Variants in GLIS3 observed in about 807,000 individuals in gnomAD.
GLIS3 encodes the protein zinc finger protein GLIS3.
GLIS3 carries 53 observed loss-of-function variants against 78.6 expected under a neutral mutation model. That is an observed-to-expected ratio of 0.67 (90% CI 0.54 to 0.85). The LOEUF is 0.85. GLIS3 is among the 40% of genes least tolerant of loss of function. The pLI is 0.00. For missense variants in GLIS3, 1,703 were observed against 1,231.1 expected (o/e 1.38, Z -5.74); for synonymous variants, 684 against 509.9 (o/e 1.34, Z -4.60).
chr9:4,415,048 G>C, the GLIS3 span, among the ~76,000 whole-genome samples: 3 of 152,068 alleles, frequency 2.0e-5, no homozygotes, highest in Non-Finnish European at 2.9e-5. Flanking sequence ...TGTTTGAACT[G>C]CTTCAACTAC....
chr9:4,086,067 G>C (rs1269872127), intron 4 of GLIS3, among the ~76,000 whole-genome samples: 1 of 152,160 alleles, frequency 6.6e-6, no homozygotes, highest in Non-Finnish European at 1.5e-5. Context: ...CCTTACACGA[G>C]TTGTCCAAAC....
chr9:3,951,872 ACACACACACACACG>A (rs1306112094), intron 4 of GLIS3, among the ~76,000 whole-genome samples: 19 of 150,040 alleles, frequency 1.3e-4, no homozygotes, highest in African/African-American at 4.5e-4. Flanking sequence ...ACACACACAC[ACACACACACACACG>A]CACGCACACA....
chr9:3,950,211 C>A (rs1588295316), intron 4 of GLIS3, among the ~76,000 whole-genome samples: 1 of 152,320 alleles, frequency 6.6e-6, no homozygotes, highest in Non-Finnish European at 1.5e-5. Context: ...GCCACTATGG[C>A]CTCCCACCTG....
At chr9:4,462,646 C>G in the GLIS3 span, among the ~76,000 whole-genome samples, 23 of 148,260 alleles carry the variant, frequency 1.6e-4, no homozygotes, top group South Asian at 4.2e-4. Context: ...CACGCACACA[C>G]ACACACACAC....
intron 4 of GLIS3, among the ~76,000 whole-genome samples, chr9:4,004,738 T>C (rs1447733987): frequency 6.6e-6 from 1 of 152,198 alleles, no homozygotes; most frequent in African/African-American, 2.4e-5. Flanking sequence ...GACTAACATT[T>C]ACTGAGAAGA....
the GLIS3 span, among the ~76,000 whole-genome samples, chr9:4,381,286 G>A: frequency 2.6e-5 from 4 of 152,140 alleles, no homozygotes; most frequent in Non-Finnish European, 5.9e-5. Flanking sequence ...AAAGTACTTT[G>A]AAAAGTATAA....
chr9:4,484,568 C>A, the GLIS3 span, among the ~76,000 whole-genome samples: 3 of 151,394 alleles, frequency 2.0e-5, no homozygotes, highest in Non-Finnish European at 4.4e-5. Context: ...ACAGGCCCTG[C>A]CACCACACCT....
chr9:3,933,247 C>T (rs1156843606), intron 5 of GLIS3, among the ~76,000 whole-genome samples: 1 of 152,030 alleles, frequency 6.6e-6, no homozygotes, highest in Non-Finnish European at 1.5e-5. Flanking sequence ...GCAATCTCGG[C>T]TCACTGCAAC....
chr9:4,161,631 A>T (rs1835485757), intron 2 of GLIS3, among the ~76,000 whole-genome samples: 1 of 151,814 alleles, frequency 6.6e-6, no homozygotes, highest in Non-Finnish European at 1.5e-5. Context: ...GAATGGCTTG[A>T]AACAACAGGA....
chr9:4,147,815 C>A (rs1309257862), intron 2 of GLIS3, among the ~76,000 whole-genome samples: 3 of 140,434 alleles, frequency 2.1e-5, no homozygotes, highest in African/African-American at 5.2e-5. Context: ...GAGTTCATAC[C>A]AAAAAAAAAA....
rs1381295924 is a variant in GLIS3 at position 4,012,046 on chromosome 9, A to T, written c.1711-74857T>A. On this transcript the variant is annotated intron_variant, in intron 4 of 10. Coordinates refer to ENST00000381971, the MANE Select transcript of GLIS3 (RefSeq NM_001042413.2). ...CAGAAAGCCTTCCCGTAAAACAAAC[A>T]TCATGGGAAGAAAGAAAAAAATGTA... Among the ~76,000 whole-genome samples, 5 of 152,212 alleles carry T rather than the reference A, an allele frequency of 3.3e-5. No homozygotes were observed. The East Asian group carries it at 9.6e-4, about 29-fold the overall frequency.
chr9:4,301,562 A>G (rs151257057), upstream of GLIS3, among the ~76,000 whole-genome samples: 70 of 152,322 alleles, frequency 4.6e-4, 1 homozygote, highest in African/African-American at 1.5e-3. Flanking sequence ...TAACCCTTCA[A>G]TGCATCATGG....
intron 4 of GLIS3, among the ~76,000 whole-genome samples, chr9:3,987,966 T>C (rs954240575): frequency 5.9e-5 from 9 of 151,980 alleles, no homozygotes; most frequent in African/African-American, 2.2e-4. Flanking sequence ...CAGCACATTT[T>C]CCCTCCAGCT....
At chr9:4,486,744 C>T in the GLIS3 span, among the ~76,000 whole-genome samples, 2 of 152,194 alleles carry the variant, frequency 1.3e-5, no homozygotes, top group Admixed American at 6.5e-5. Context: ...GGCTGGAGTG[C>T]AGTGGTGCAA....
At chr9:3,869,266 G>GGTGTGTGTGTGTGT (rs58818313) in intron 8 of GLIS3, among the ~76,000 whole-genome samples, 1 of 151,146 alleles carries the variant, frequency 6.6e-6, no homozygotes, top group African/African-American at 2.4e-5. Flanking sequence ...AATTATCTAG[G>GGTGTGTGTGTGTGT]GTGTGTGTGT....
intron 4 of GLIS3, among the ~76,000 whole-genome samples, chr9:4,029,508 G>T (rs1453777872): frequency 6.6e-6 from 1 of 151,994 alleles, no homozygotes; most frequent in Non-Finnish European, 1.5e-5. Context: ...ATTGACTATG[G>T]TGACACCGTG....
chr9:4,352,926 G>T (rs570806564), upstream of GLIS3, among the ~76,000 whole-genome samples: 1 of 152,178 alleles, frequency 6.6e-6, no homozygotes, highest in Non-Finnish European at 1.5e-5. Flanking sequence ...ACATTTAGTA[G>T]GTGTAAGTAG....
At position 3,863,663 on chromosome 9, in the gene GLIS3, C is replaced by T. The variant is rs78912966; in HGVS notation, c.2298-7479G>A. On this transcript the variant is annotated intron_variant, in intron 8 of 10. Transcript: ENST00000381971. Reference sequence around the variant, plus strand: ...TCTGTGAAGTTGGCTGTAGGTGAAACGATCACAAATACTTTTTGAAGGAGA... The same window carrying T: ...TCTGTGAAGTTGGCTGTAGGTGAAATGATCACAAATACTTTTTGAAGGAGA... Among the ~76,000 whole-genome samples, 1,451 of 152,218 alleles carry T rather than the reference C, an allele frequency of 9.5e-3. 38 individuals are homozygous for T. The highest frequency in any genetic ancestry group is 0.057 in the East Asian group (293 of 5,180).
intron 4 of GLIS3, among the ~76,000 whole-genome samples, chr9:4,009,948 T>C (rs938849593): frequency 3.3e-5 from 5 of 152,180 alleles, no homozygotes; most frequent in Non-Finnish European, 7.3e-5. Flanking sequence ...CAAGTTTTCC[T>C]CTGCCAAACT....
Sources: gnomAD v4.1 joint callset for allele counts (sites outside exome capture counted in the v4.1 genomes callset) on GRCh38, gnomAD v4.1.1 for gene constraint, MANE v1.5 for transcripts, NCBI Gene and HGNC (gene_info 2026-07-23, HGNC 2026-07-21) for gene names.